CD99L2: variants seen among roughly 807,000 people sequenced by gnomAD.
The protein encoded by CD99L2 is CD99 antigen-like protein 2.
CD99L2 carries 24 observed loss-of-function variants against 27.3 expected under a neutral mutation model. The observed-to-expected ratio is 0.88, with a 90% CI of 0.64 to 1.24. The LOEUF (loss-of-function observed/expected upper bound fraction) is 1.24, where lower values mean the gene tolerates loss of function less well. Ranked by LOEUF, CD99L2 falls within the 50% of genes most tolerant of loss-of-function variation. CD99L2 has a pLI of 0.00. For synonymous variants in CD99L2, 97 were observed against 87.9 expected, an observed-to-expected ratio of 1.10 and a Z score of -0.58; for missense variants, 255 against 221.6, an observed-to-expected ratio of 1.15 and a Z score of -0.96.
rs2046126841 is a variant in CD99L2, at chrX:150,814,766, C to T, written c.277+96G>A. ...CTCCAGTGGCTTGAAGTGCCTCCAC[C>T]TCTGCCAAGCCCAGACTGACTCTGG... is the stretch of plus-strand genomic sequence containing the variant. On this transcript the variant is annotated intron_variant, in intron 4 of 10. Transcript: ENST00000370377. The T allele has an allele frequency of 3.7e-6, 3 of 817,238 alleles. No individual in the cohort carries two copies. The Admixed American group carries it at 7.1e-5, about 19-fold the overall frequency. 67.3% of individuals were successfully genotyped at this position (817,238 alleles called of 1,213,427 possible). A position where few individuals can be genotyped will look rare whatever the true frequency, so the allele number is the denominator to read the frequency against.
chrX:150,822,467 G>A (rs1254929136), intron 2 of CD99L2, among the ~76,000 whole-genome samples: 2 of 111,973 alleles, frequency 1.8e-5, no homozygotes, highest in African/African-American at 3.2e-5. Context: ...ACAACATTAA[G>A]AATATCCTAA....
intron 1 of CD99L2, among the ~76,000 whole-genome samples, chrX:150,881,149 C>T (rs144150553): frequency 2.6e-3 from 293 of 111,088 alleles, no homozygotes; most frequent in African/African-American, 8.5e-3. Context: ...GTCCCTTGAC[C>T]TCCTTCCTCC....
At chrX:150,793,648 T>C (rs782749743) in intron 7 of CD99L2, 43 bp downstream of exon 7, 2 of 1,083,544 alleles carry the variant, frequency 1.8e-6, no homozygotes, top group African/African-American at 1.9e-5. Context: ...ATCACCTTTT[T>C]CACCAGAATA....
chrX:150,802,387 A>C (rs1279712362), intron 4 of CD99L2, among the ~76,000 whole-genome samples: 1 of 108,453 alleles, frequency 9.2e-6, no homozygotes, highest in Non-Finnish European at 1.9e-5. Flanking sequence ...AACATGGTGA[A>C]ATCCCATCTT....
At chrX:150,831,436 T>C in intron 1 of CD99L2, 143 bp from the exon 2 acceptor site, 3 of 477,994 alleles carry the variant, frequency 6.3e-6, no homozygotes, top group Non-Finnish European at 1.0e-5. Flanking sequence ...AAGTGAGTGG[T>C]GGTAGCTATA....
At chrX:150,797,250 G>A (rs1282728285) in intron 4 of CD99L2, among the ~76,000 whole-genome samples, 5 of 111,779 alleles carry the variant, frequency 4.5e-5, no homozygotes, top group African/African-American at 1.3e-4. Context: ...GGGATAAACC[G>A]CTAGCCTTAC....
At chrX:150,840,443 C>G (rs1342849817) in intron 1 of CD99L2, among the ~76,000 whole-genome samples, 1 of 108,698 alleles carries the variant, frequency 9.2e-6, no homozygotes, top group Non-Finnish European at 1.9e-5. Flanking sequence ...CAGGGTCTGG[C>G]TCTGTCACCC....
At chrX:150,792,572 G>A (rs1195081171) in intron 7 of CD99L2, among the ~76,000 whole-genome samples, 2 of 112,072 alleles carry the variant, frequency 1.8e-5, no homozygotes, top group South Asian at 3.7e-4. Flanking sequence ...AAGGCACACC[G>A]TTCTTGCAAG....
chrX:150,790,840 G>A (rs190221726), intron 7 of CD99L2, among the ~76,000 whole-genome samples: 1 of 111,908 alleles, frequency 8.9e-6, no homozygotes, highest in Non-Finnish European at 1.9e-5. Flanking sequence ...TTGGATATGT[G>A]TATATATATG....
chrX:150,825,526 A>G (rs1201583540), intron 2 of CD99L2, among the ~76,000 whole-genome samples: 2 of 112,247 alleles, frequency 1.8e-5, no homozygotes, highest in African/African-American at 3.2e-5. Flanking sequence ...AGCAGTCCCT[A>G]CATGCATGTG....
At chrX:150,875,928 A>G (rs1211626014) in intron 1 of CD99L2, among the ~76,000 whole-genome samples, 1 of 112,211 alleles carries the variant, frequency 8.9e-6, no homozygotes, top group Non-Finnish European at 1.9e-5. Context: ...TCTTTTGTAA[A>G]TTGCCCAGTC....
At chrX:150,812,071 G>A (rs2046079556) in intron 4 of CD99L2, among the ~76,000 whole-genome samples, 1 of 111,659 alleles carries the variant, frequency 9.0e-6, no homozygotes, top group Admixed American at 9.5e-5. Context: ...TGAGGTGGGA[G>A]GATCACTTGA....
At chrX:150,860,112 T>C (rs983633181) in intron 1 of CD99L2, among the ~76,000 whole-genome samples, 1 of 110,745 alleles carries the variant, frequency 9.0e-6, no homozygotes, top group Non-Finnish European at 1.9e-5. Flanking sequence ...AAATAGCACA[T>C]CAAAAAAATA....
At chrX:150,802,014 C>T (rs1258849825) in intron 4 of CD99L2, among the ~76,000 whole-genome samples, 1 of 111,895 alleles carries the variant, frequency 8.9e-6, no homozygotes, top group African/African-American at 3.3e-5. Flanking sequence ...TCACTCTTAC[C>T]ACTCTTATTT....
In CD99L2 at chrX:150,868,812, T is replaced by C. The variant is rs181865110; in HGVS notation, c.67+29710A>G. The stretch of plus-strand genomic sequence containing the variant: ...GACAGAGGCTCAGGGATGTAGGTGG[T>C]TTCCTGTGAAGACTCCAATCCTTTG... On this transcript the variant is annotated intron_variant, in intron 1 of 10. Coordinates refer to ENST00000370377, the MANE Select transcript of CD99L2 (RefSeq NM_031462.4). 2.5e-4 allele frequency among the ~76,000 whole-genome samples: 28 copies of C among 111,672 alleles called. No homozygotes were observed. In the South Asian group the frequency reaches 3.4e-3, roughly 13 times the overall value.
intron 1 of CD99L2, among the ~76,000 whole-genome samples, chrX:150,853,258 A>G (rs1233161619): frequency 2.7e-5 from 3 of 111,877 alleles, no homozygotes; most frequent in South Asian, 3.7e-4. Context: ...TTACCCACAC[A>G]TATTTGGAAA....
At chrX:150,773,397 G>A (rs1240014197) in intron 9 of CD99L2, among the ~76,000 whole-genome samples, 30 of 113,195 alleles carry the variant, frequency 2.7e-4, no homozygotes, top group African/African-American at 6.4e-4. Context: ...CTGCTCTTAC[G>A]AGGAACTACA....
intron 1 of CD99L2, among the ~76,000 whole-genome samples, chrX:150,877,916 C>G (rs1709237406): frequency 9.2e-6 from 1 of 108,943 alleles, no homozygotes; most frequent in Non-Finnish European, 1.9e-5. Flanking sequence ...GAATGCTAGG[C>G]ACTCCAGGCT....
intron 7 of CD99L2, among the ~76,000 whole-genome samples, chrX:150,787,888 G>GTATATATA (rs527795783): frequency 0.015 from 956 of 63,730 alleles, 15 homozygotes; most frequent in Middle Eastern, 0.029. Flanking sequence ...AGAACTTAAA[G>GTATATATA]TATATATATA....
Sources: allele counts gnomAD v4.1 joint callset (sites outside exome capture counted in the v4.1 genomes callset), GRCh38; gene constraint gnomAD v4.1.1; transcripts MANE v1.5; gene names NCBI Gene and HGNC (gene_info 2026-07-23, HGNC 2026-07-21).